Variants in KSR2 observed in about 807,000 individuals in gnomAD.
KSR2 encodes the protein kinase suppressor of ras 2.
A neutral mutation model predicts 107.8 loss-of-function variants in KSR2; 25 were observed. The ratio of observed to expected loss-of-function variants is 0.23; its 90% confidence interval spans 0.17 to 0.32. The LOEUF (loss-of-function observed/expected upper bound fraction) is 0.32. Ranked by LOEUF, KSR2 falls within the 10% of genes least tolerant of loss-of-function variation. KSR2 has a pLI of 1.00. For synonymous variants in KSR2, 480 were observed against 507.0 expected (o/e 0.95, Z 0.71); for missense variants, 887 against 1,268.9 (o/e 0.70, Z 4.57).
At chr12:117,714,054 G>C (rs1042604796) in intron 4 of KSR2, among the ~76,000 whole-genome samples, 1 of 152,088 alleles carries the variant, frequency 6.6e-6, no homozygotes, top group African/African-American at 2.4e-5. Context: ...CTGATTTGGG[G>C]GCGGGATGGA....
chr12:117,470,855 T>G (rs1871407721), intron 18 of KSR2, among the ~76,000 whole-genome samples: 1 of 152,198 alleles, frequency 6.6e-6, no homozygotes, highest in Admixed American at 6.5e-5. Context: ...CAAATAAAAT[T>G]GGAACCATTA....
intron 4 of KSR2, among the ~76,000 whole-genome samples, chr12:117,736,486 G>A (rs1436555075): frequency 6.6e-6 from 1 of 152,008 alleles, no homozygotes; most frequent in Non-Finnish European, 1.5e-5. Flanking sequence ...TCCCATCCTC[G>A]TCTCATCCAA....
intron 10 of KSR2, 91 bp downstream of exon 10, chr12:117,539,616 TGCAGAGACTTGC>T: frequency 8.5e-7 from 1 of 1,172,514 alleles, no homozygotes; most frequent in Non-Finnish European, 1.2e-6. Context: ...TTCGCTTTCC[TGCAGAGACTTGC>T]TGCATCAGGG....
At chr12:117,527,837 G>C (rs1875313842) in intron 12 of KSR2, among the ~76,000 whole-genome samples, 1 of 152,132 alleles carries the variant, frequency 6.6e-6, no homozygotes, top group Admixed American at 6.5e-5. Context: ...CAAGATGAGA[G>C]AATTACTGGG....
intron 4 of KSR2, among the ~76,000 whole-genome samples, chr12:117,735,140 A>G (rs1014092857): frequency 2.6e-5 from 4 of 152,214 alleles, no homozygotes; most frequent in African/African-American, 9.6e-5. Flanking sequence ...GCTGCCACCC[A>G]GGGGCCAAAG....
At chr12:117,852,077 G>T (rs1052205767) in intron 3 of KSR2, among the ~76,000 whole-genome samples, 3 of 151,752 alleles carry the variant, frequency 2.0e-5, no homozygotes, top group Non-Finnish European at 1.5e-5. Flanking sequence ...GTGTGGGGGG[G>T]GTCACAATAT....
At chr12:117,706,005 C>T (rs1273738246) in intron 4 of KSR2, among the ~76,000 whole-genome samples, 3 of 151,080 alleles carry the variant, frequency 2.0e-5, no homozygotes, top group African/African-American at 7.3e-5. Context: ...GAGTGCCTGC[C>T]CTGTGCGGAG....
chr12:117,599,685 A>G (rs1445062859), intron 5 of KSR2, among the ~76,000 whole-genome samples: 2 of 151,990 alleles, frequency 1.3e-5, no homozygotes, highest in African/African-American at 4.8e-5. Flanking sequence ...AACATTTCCA[A>G]ATGTCCCTGG....
chr12:117,496,407 A>C (rs570816882), intron 14 of KSR2, among the ~76,000 whole-genome samples: 5 of 152,310 alleles, frequency 3.3e-5, no homozygotes, highest in Admixed American at 3.3e-4. Flanking sequence ...GCTCTTCCCC[A>C]ATCCTGCATC....
intron 3 of KSR2, among the ~76,000 whole-genome samples, chr12:117,853,398 A>G (rs1415676392): frequency 6.6e-6 from 1 of 152,174 alleles, no homozygotes; most frequent in South Asian, 2.1e-4. Context: ...GCTGGAGTTC[A>G]GTGGTACTAT....
At chr12:117,947,214 AAAGAAAGAAAG>A (rs1566094628) in intron 1 of KSR2, among the ~76,000 whole-genome samples, 3 of 84,130 alleles carry the variant, frequency 3.6e-5, no homozygotes, top group Non-Finnish European at 7.0e-5. Flanking sequence ...GAAAAGAAAG[AAAGAAAGAAAG>A]AAAGAAAGAA....
chr12:117,537,925 C>T (rs547732640), intron 10 of KSR2, among the ~76,000 whole-genome samples: 4 of 152,268 alleles, frequency 2.6e-5, no homozygotes, highest in Non-Finnish European at 5.9e-5. Context: ...AGCTGTGGTC[C>T]TTTTGTGCAC....
chr12:117,798,778 G>C (rs1890728964), intron 3 of KSR2, among the ~76,000 whole-genome samples: 1 of 150,324 alleles, frequency 6.7e-6, no homozygotes, highest in Non-Finnish European at 1.5e-5. Flanking sequence ...ACAGCTCTTT[G>C]TACATCCATG....
chr12:117,878,526 G>A (rs1444642321), intron 1 of KSR2, among the ~76,000 whole-genome samples: 1 of 152,120 alleles, frequency 6.6e-6, no homozygotes, highest in African/African-American at 2.4e-5. Flanking sequence ...GGGAGGCAAG[G>A]CTAGGAGGAG....
At chr12:117,644,889 C>T (rs956018665) in intron 5 of KSR2, among the ~76,000 whole-genome samples, 2 of 152,162 alleles carry the variant, frequency 1.3e-5, no homozygotes, top group Non-Finnish European at 2.9e-5. Context: ...CAGTTGCTCT[C>T]GCGTGCTCAG....
At position 117,881,046 on chromosome 12, in the gene KSR2, C is replaced by T. The variant is rs118034541; in HGVS notation, c.181-20615G>A. On this transcript the variant is annotated intron_variant, in intron 1 of 19. Coordinates refer to ENST00000339824, the MANE Select transcript of KSR2 (RefSeq NM_173598.6). The stretch of plus-strand genomic sequence containing the variant: ...TTTGGAGCATTCTAATTAGGATACT[C>T]GACCTATACCAGATTTCAAGTATCT... Among the ~76,000 whole-genome samples, 14 of 151,900 alleles carry T rather than the reference C, an allele frequency of 9.2e-5. No homozygotes were observed. The East Asian group carries it at 2.7e-3, about 29-fold the overall frequency.
At chr12:117,470,173 A>T (rs1871356681) in intron 18 of KSR2, among the ~76,000 whole-genome samples, 1 of 146,058 alleles carries the variant, frequency 6.8e-6, no homozygotes, top group East Asian at 2.1e-4. Flanking sequence ...CAATTCACTC[A>T]TTCATTCTTC....
intron 5 of KSR2, among the ~76,000 whole-genome samples, chr12:117,602,419 G>A (rs761057380): frequency 6.6e-6 from 1 of 152,082 alleles, no homozygotes; most frequent in Non-Finnish European, 1.5e-5. Context: ...CCAGTCCCTG[G>A]AATTACCAAT....
intron 4 of KSR2, among the ~76,000 whole-genome samples, chr12:117,749,193 G>T (rs1463209629): frequency 7.4e-6 from 1 of 134,998 alleles, no homozygotes; most frequent in Non-Finnish European, 1.6e-5. Flanking sequence ...GGAAGCCCTC[G>T]GTGTGTACAG....
Sources: allele counts gnomAD v4.1 joint callset (sites outside exome capture counted in the v4.1 genomes callset), GRCh38; gene constraint gnomAD v4.1.1; transcripts MANE v1.5; gene names NCBI Gene and HGNC (gene_info 2026-07-23, HGNC 2026-07-21).